RAPGEF4: variants seen among roughly 807,000 people sequenced by gnomAD.
RAPGEF4 encodes the protein RAP guanine-nucleotide-exchange factor (GEF) 4.
RAPGEF4 carries 66 observed loss-of-function variants against 147.9 expected under a neutral mutation model. That is an observed-to-expected ratio of 0.45 (90% confidence interval 0.37 to 0.55). The LOEUF (loss-of-function observed/expected upper bound fraction) is 0.55, where lower values mean the gene tolerates loss of function less well. Ranked by LOEUF, RAPGEF4 falls within the 20% of genes least tolerant of loss-of-function variation. The pLI is 0.00. For synonymous variants in RAPGEF4, 419 were observed against 442.7 expected (o/e 0.95, Z 0.67); for missense variants, 1,071 against 1,257.3 (o/e 0.85, Z 2.24).
chr2:172,830,245 C>T (rs1690146412), intron 4 of RAPGEF4, among the ~76,000 whole-genome samples: 1 of 152,116 alleles, frequency 6.6e-6, no homozygotes, highest in Non-Finnish European at 1.5e-5. Flanking sequence ...GGCTTTGACT[C>T]TTTTTGCAGT....
chr2:172,803,562 C>G (rs1448720177), intron 3 of RAPGEF4, among the ~76,000 whole-genome samples: 2 of 150,222 alleles, frequency 1.3e-5, no homozygotes, highest in Admixed American at 1.3e-4. Context: ...GAGGGGCCAC[C>G]ATGAAGATCT....
intron 4 of RAPGEF4, among the ~76,000 whole-genome samples, chr2:172,882,806 T>C (rs1302447216): frequency 2.0e-5 from 3 of 151,844 alleles, no homozygotes; most frequent in South Asian, 2.1e-4. Context: ...ACATTATCAT[T>C]ATCATCATCA....
chr2:172,754,397 A>T (rs1695572719), intron 1 of RAPGEF4, among the ~76,000 whole-genome samples: 2 of 152,308 alleles, frequency 1.3e-5, no homozygotes, highest in Admixed American at 6.5e-5. Context: ...TATATTAAAA[A>T]TTTCTTGTGT....
intron 17 of RAPGEF4, among the ~76,000 whole-genome samples, chr2:173,010,489 A>G (rs1002927987): frequency 5.3e-5 from 8 of 152,298 alleles, no homozygotes; most frequent in South Asian, 2.1e-4. Flanking sequence ...GGCTTCTTCA[A>G]CCTTCCTGAT....
chr2:172,757,683 T>C (rs1262452590), intron 1 of RAPGEF4, among the ~76,000 whole-genome samples: 2 of 152,232 alleles, frequency 1.3e-5, no homozygotes, highest in African/African-American at 2.4e-5. Context: ...GTCAGAGTTT[T>C]TGGTATTTGG....
intron 3 of RAPGEF4, among the ~76,000 whole-genome samples, chr2:172,807,712 A>G (rs1213386874): frequency 6.6e-6 from 1 of 152,236 alleles, no homozygotes; most frequent in African/African-American, 2.4e-5. Context: ...TTATGTTCAC[A>G]CCTGTGAATA....
At chr2:172,814,517 GTGTTC>G in intron 4 of RAPGEF4, 92 bp downstream of exon 4, 1 of 1,459,908 alleles carries the variant, frequency 6.8e-7, no homozygotes. Context: ...AAGCCTTAAT[GTGTTC>G]TGTTCTGAGC....
At chr2:172,761,897 G>A (rs564031302) in intron 1 of RAPGEF4, among the ~76,000 whole-genome samples, 2 of 152,194 alleles carry the variant, frequency 1.3e-5, no homozygotes, top group Admixed American at 6.5e-5. Context: ...GCCGAGGTAG[G>A]TGGATCACGA....
chr2:172,745,271 G>A lies in RAPGEF4; in HGVS notation c.65+9223G>A, dbSNP rs1053157568. On this transcript the variant is annotated intron_variant, in intron 1 of 30. Coordinates refer to ENST00000397081, the MANE Select transcript of RAPGEF4 (RefSeq NM_007023.4). ...ATGACAAATTCAAACTGTAATAGAGGACTGTTCAGATTTTCTTTTCATGTC... is the reference window on the plus strand; with the variant it reads ...ATGACAAATTCAAACTGTAATAGAGAACTGTTCAGATTTTCTTTTCATGTC... 9.9e-5 allele frequency among the ~76,000 whole-genome samples: 15 copies of A among 152,020 alleles called. 1 individual carries two copies. Among genetic ancestry groups the A allele is most frequent in the Admixed American group, 5.2e-4 (8 of 15,266 alleles).
intron 23 of RAPGEF4, among the ~76,000 whole-genome samples, chr2:173,024,817 G>A (rs979129426): frequency 6.6e-6 from 1 of 152,166 alleles, no homozygotes; most frequent in Non-Finnish European, 1.5e-5. Context: ...TCTGGTACAC[G>A]AAGATGTGCT....
At chr2:172,905,045 C>T (rs931293610) in intron 4 of RAPGEF4, among the ~76,000 whole-genome samples, 1 of 152,046 alleles carries the variant, frequency 6.6e-6, no homozygotes. Flanking sequence ...TTATTCTCCA[C>T]CCTACTGGCC....
At chr2:172,758,540 A>T (rs1164426749) in intron 1 of RAPGEF4, among the ~76,000 whole-genome samples, 1 of 152,210 alleles carries the variant, frequency 6.6e-6, no homozygotes, top group African/African-American at 2.4e-5. Flanking sequence ...GTGAAAGCTG[A>T]TGGTGGCTTG....
chr2:172,803,185 G>A (rs993583913), intron 3 of RAPGEF4, among the ~76,000 whole-genome samples: 1 of 152,254 alleles, frequency 6.6e-6, no homozygotes, highest in Non-Finnish European at 1.5e-5. Context: ...GGGACTCTGT[G>A]TGGGGGCTCT....
intron 10 of RAPGEF4, among the ~76,000 whole-genome samples, chr2:172,977,359 G>A (rs1328602362): frequency 6.6e-6 from 1 of 152,126 alleles, no homozygotes; most frequent in African/African-American, 2.4e-5. Context: ...AGAGAAACCT[G>A]CTTTTAAAAT....
chr2:172,855,869 T>C (rs1325100157), intron 4 of RAPGEF4, among the ~76,000 whole-genome samples: 1 of 152,194 alleles, frequency 6.6e-6, no homozygotes, highest in East Asian at 1.9e-4. Flanking sequence ...CCTGGTTGCT[T>C]TTAAGTTTCT....
chr2:173,025,690 G>A (rs776591443), intron 23 of RAPGEF4, among the ~76,000 whole-genome samples: 13 of 152,212 alleles, frequency 8.5e-5, no homozygotes, highest in Non-Finnish European at 1.3e-4. Flanking sequence ...TGATCCACCC[G>A]CCTTGGCCTC....
In RAPGEF4 at chr2:173,016,536, T is replaced by C. The variant is rs922959492; in HGVS notation, c.1898+99T>C. The C allele has an allele frequency of 4.2e-4, 403 of 961,080 alleles. 2 individuals are homozygous for C. Among genetic ancestry groups the C allele is most frequent in the Admixed American group, 4.3e-4 (22 of 51,304 alleles). 59.5% of individuals were successfully genotyped at this position (961,080 alleles called of 1,614,324 possible). On this transcript the variant is annotated intron_variant, in intron 19 of 30. Transcript: ENST00000397081. Reference sequence around the variant, plus strand: ...GTTAAAGCTGGTCTTTCCATAGCCATGCCCCGCTTGATTTGATTTAAGCAG... The same window carrying C: ...GTTAAAGCTGGTCTTTCCATAGCCACGCCCCGCTTGATTTGATTTAAGCAG...
intron 4 of RAPGEF4, among the ~76,000 whole-genome samples, chr2:172,865,168 C>T (rs946741428): frequency 6.6e-6 from 1 of 152,172 alleles, no homozygotes; most frequent in African/African-American, 2.4e-5. Context: ...CCTCACTGGA[C>T]CCCTCGGCAC....
chr2:172,846,711 C>T (rs764073119), intron 4 of RAPGEF4, among the ~76,000 whole-genome samples: 37 of 152,176 alleles, frequency 2.4e-4, no homozygotes, highest in Non-Finnish European at 3.7e-4. Flanking sequence ...TTGAGATTTC[C>T]GCTTTACTGT....
Sources: gnomAD v4.1 joint callset for allele counts (sites outside exome capture counted in the v4.1 genomes callset) on GRCh38, gnomAD v4.1.1 for gene constraint, MANE v1.5 for transcripts, NCBI Gene and HGNC (gene_info 2026-07-23, HGNC 2026-07-21) for gene names.